Variants in CNTN6 observed in about 807,000 individuals in gnomAD.
CNTN6 encodes contactin-6.
In CNTN6, 137 loss-of-function variants were observed where a neutral mutation model predicts 122.8. The ratio of observed to expected loss-of-function variants is 1.12; its 90% confidence interval spans 0.97 to 1.29. CNTN6 has a LOEUF of 1.29. Among genes scored for constraint, CNTN6 ranks in the 50% most tolerant of loss-of-function variants. The probability of loss-of-function intolerance (pLI) is 0.00; values close to 1 mark genes in which losing one functional copy is unlikely to be tolerated. For synonymous variants in CNTN6, 570 were observed against 426.0 expected (o/e 1.34, Z -4.16); for missense variants, 1,634 against 1,223.4 (o/e 1.34, Z -5.01).
intron 20 of CNTN6, among the ~76,000 whole-genome samples, chr3:1,387,981 G>C (rs1470624711): frequency 1.3e-5 from 2 of 152,092 alleles, no homozygotes; most frequent in Non-Finnish European, 2.9e-5. Flanking sequence ...AGCGAGGCTG[G>C]GGGAGGGGCG....
intron 17 of CNTN6, among the ~76,000 whole-genome samples, chr3:1,381,149 G>T (rs942533468): frequency 6.6e-6 from 1 of 152,116 alleles, no homozygotes; most frequent in African/African-American, 2.4e-5. Context: ...TATTTATGTA[G>T]ATGAACTGAC....
intron 7 of CNTN6, among the ~76,000 whole-genome samples, chr3:1,302,049 C>T (rs1334412032): frequency 6.6e-6 from 1 of 152,138 alleles, no homozygotes; most frequent in Non-Finnish European, 1.5e-5. Context: ...GCGACACACT[C>T]ACTAGAAGAT....
chr3:1,236,061 C>T (rs552709414), intron 4 of CNTN6, among the ~76,000 whole-genome samples: 2 of 152,182 alleles, frequency 1.3e-5, no homozygotes, highest in Admixed American at 1.3e-4. Flanking sequence ...CTGCAGCAAG[C>T]CCCACCCAAG....
intron 4 of CNTN6, among the ~76,000 whole-genome samples, chr3:1,274,741 C>G (rs1692006747): frequency 6.6e-6 from 1 of 152,114 alleles, no homozygotes; most frequent in African/African-American, 2.4e-5. Context: ...ATTAGTGTAT[C>G]TGAACTTTGT....
chr3:1,159,235 A>G (rs2093065023), intron 2 of CNTN6, among the ~76,000 whole-genome samples: 1 of 151,952 alleles, frequency 6.6e-6, no homozygotes. Flanking sequence ...GCCTACAACC[A>G]TGAACAGTCC....
At chr3:1,199,848 TAAAC>T (rs2093835565) in intron 2 of CNTN6, among the ~76,000 whole-genome samples, 1 of 152,170 alleles carries the variant, frequency 6.6e-6, no homozygotes, top group Non-Finnish European at 1.5e-5. Context: ...AAAACTTTCT[TAAAC>T]AGTCAATTTC....
At chr3:1,291,507 A>G (rs1437459018) in intron 5 of CNTN6, among the ~76,000 whole-genome samples, 2 of 152,222 alleles carry the variant, frequency 1.3e-5, no homozygotes, top group African/African-American at 4.8e-5. Flanking sequence ...TCAGAGAGCT[A>G]AAGCGTATTT....
rs1272967510 is a variant in CNTN6 at position 1,333,365 on chromosome 3, A to T, written c.1364+3430A>T. The stretch of plus-strand genomic sequence containing the variant: ...ACACAGAACGCTGAGCCCAGTACAC[A>T]TTTTTTAATGCCACACCAGACTGAT... On this transcript the variant is annotated intron_variant, in intron 11 of 22. Coordinates refer to ENST00000446702, the MANE Select transcript of CNTN6 (RefSeq NM_001289080.2). Among the ~76,000 whole-genome samples the T allele has an allele frequency of 3.3e-5, 5 of 152,042 alleles. No homozygotes were observed. The East Asian group carries it at 9.6e-4, about 29-fold the overall frequency.
At chr3:1,198,076 G>T (rs997618603) in intron 2 of CNTN6, among the ~76,000 whole-genome samples, 9 of 152,170 alleles carry the variant, frequency 5.9e-5, no homozygotes, top group African/African-American at 2.2e-4. Context: ...AGCATTCTAA[G>T]AGATGCTGGA....
chr3:1,226,373 G>T (rs1575317609), intron 3 of CNTN6, among the ~76,000 whole-genome samples: 1 of 152,208 alleles, frequency 6.6e-6, no homozygotes, highest in East Asian at 1.9e-4. Flanking sequence ...CTGTGATGGG[G>T]TTCAGGACAT....
intron 11 of CNTN6, among the ~76,000 whole-genome samples, chr3:1,334,107 T>A (rs1702709639): frequency 6.6e-6 from 1 of 152,160 alleles, no homozygotes; most frequent in Non-Finnish European, 1.5e-5. Flanking sequence ...AGGAGAAAAG[T>A]GTTTCTCGAA....
At chr3:1,190,759 A>G (rs2125383727) in intron 2 of CNTN6, among the ~76,000 whole-genome samples, 1 of 152,164 alleles carries the variant, frequency 6.6e-6, no homozygotes, top group East Asian at 1.9e-4. Flanking sequence ...ACCATATATC[A>G]CCTTCAGCCT....
intron 7 of CNTN6, among the ~76,000 whole-genome samples, chr3:1,302,207 CTT>C (rs1697551714): frequency 1.3e-5 from 2 of 152,060 alleles, no homozygotes; most frequent in Admixed American, 6.6e-5. Context: ...TCTAACATCT[CTT>C]CATAAAAATA....
At chr3:1,325,120 A>C (rs1320505069) in intron 8 of CNTN6, among the ~76,000 whole-genome samples, 2 of 151,832 alleles carry the variant, frequency 1.3e-5, no homozygotes, top group African/African-American at 4.8e-5. Context: ...GATGGTAAAA[A>C]TAATACAATC....
At chr3:1,352,554 A>G (rs1006462524) in intron 12 of CNTN6, 103 bp downstream of exon 12, 3 of 1,393,160 alleles carry the variant, frequency 2.2e-6, no homozygotes, top group African/African-American at 2.9e-5. Context: ...TGTATGTAAA[A>G]TTGTTGATTT....
chr3:1,252,696 A>G (rs1575430258), intron 4 of CNTN6, among the ~76,000 whole-genome samples: 1 of 152,210 alleles, frequency 6.6e-6, no homozygotes, highest in Non-Finnish European at 1.5e-5. Context: ...TCTCCTGACT[A>G]AGATGCTTAT....
At chr3:1,138,508 T>C (rs909679656) in intron 1 of CNTN6, among the ~76,000 whole-genome samples, 2 of 152,158 alleles carry the variant, frequency 1.3e-5, no homozygotes, top group African/African-American at 4.8e-5. Context: ...TTTTGGCCGA[T>C]ACTGATCTGT....
At chr3:1,160,365 T>TATATATATATATATATATATATACAC (rs1486849078) in intron 2 of CNTN6, among the ~76,000 whole-genome samples, 7 of 133,416 alleles carry the variant, frequency 5.2e-5, no homozygotes, top group African/African-American at 2.0e-4. Context: ...TATATATATA[T>TATATATATATATATATATATATACAC]ATACACACTA....
chr3:1,312,565 A>G (rs1033486013), intron 7 of CNTN6, among the ~76,000 whole-genome samples: 4 of 151,636 alleles, frequency 2.6e-5, no homozygotes, highest in African/African-American at 4.8e-5. Context: ...AGGCATCTCA[A>G]TATGTTTTAA....
Sources: allele counts gnomAD v4.1 joint callset (sites outside exome capture counted in the v4.1 genomes callset), GRCh38; gene constraint gnomAD v4.1.1; transcripts MANE v1.5; gene names NCBI Gene and HGNC (gene_info 2026-07-23, HGNC 2026-07-21).